LUZP2: variants seen among roughly 807,000 people sequenced by gnomAD.
LUZP2 encodes leucine zipper protein 2.
LUZP2 carries 52 observed loss-of-function variants against 51.6 expected under a neutral mutation model. That is an observed-to-expected ratio of 1.01 (90% CI 0.81 to 1.27). The LOEUF (loss-of-function observed/expected upper bound fraction) is 1.27, where lower values mean the gene tolerates loss of function less well. Ranked by LOEUF, LUZP2 falls within the 50% of genes most tolerant of loss-of-function variation. LUZP2 has a pLI of 0.00. For missense variants in LUZP2, 436 were observed against 395.4 expected (o/e 1.10, Z -0.87); for synonymous variants, 154 against 137.3 (o/e 1.12, Z -0.85).
chr11:25,009,419 A>G (rs1016853195), intron 9 of LUZP2, among the ~76,000 whole-genome samples: 4 of 152,192 alleles, frequency 2.6e-5, no homozygotes, highest in Admixed American at 1.3e-4. Context: ...ATATGCTCTG[A>G]AATATCTAAT....
chr11:24,869,641 T>C (rs1851999173), intron 5 of LUZP2, among the ~76,000 whole-genome samples: 1 of 152,028 alleles, frequency 6.6e-6, no homozygotes, highest in Admixed American at 6.6e-5. Context: ...CTGTGCTTAG[T>C]GAACTTTGAT....
At chr11:25,017,282 C>T (rs1439320495) in intron 9 of LUZP2, among the ~76,000 whole-genome samples, 1 of 152,090 alleles carries the variant, frequency 6.6e-6, no homozygotes, top group African/African-American at 2.4e-5. Flanking sequence ...TTACCTATAT[C>T]CCACTTATTT....
At chr11:24,926,324 TGTGTATATATATATAC>T (rs1854243780) in intron 7 of LUZP2, among the ~76,000 whole-genome samples, 1 of 115,290 alleles carries the variant, frequency 8.7e-6, no homozygotes, top group Non-Finnish European at 1.7e-5. Flanking sequence ...TATATACGTG[TGTGTATATATATATAC>T]GTGTGTATAT....
intron 5 of LUZP2, among the ~76,000 whole-genome samples, chr11:24,869,030 T>G (rs1851977478): frequency 6.6e-6 from 1 of 152,162 alleles, no homozygotes; most frequent in South Asian, 2.1e-4. Context: ...CAGGAGTTTT[T>G]GGAACTTACC....
chr11:24,814,638 T>C (rs1850118595), intron 5 of LUZP2, among the ~76,000 whole-genome samples: 1 of 152,174 alleles, frequency 6.6e-6, no homozygotes, highest in Admixed American at 6.5e-5. Flanking sequence ...AGTTACAGCT[T>C]AGTATGCTCA....
At chr11:25,045,172 C>T (rs954599348) in intron 9 of LUZP2, among the ~76,000 whole-genome samples, 72 of 151,482 alleles carry the variant, frequency 4.8e-4, no homozygotes, top group African/African-American at 1.5e-3. Context: ...CAAACCTGCA[C>T]GTTGTGCACA....
intron 1 of LUZP2, among the ~76,000 whole-genome samples, chr11:24,620,195 A>C (rs1219368606): frequency 6.6e-6 from 1 of 152,176 alleles, no homozygotes; most frequent in Non-Finnish European, 1.5e-5. Context: ...TAAGATGAGA[A>C]TTTCATTCCA....
At chr11:24,711,185 G>T (rs556171509) in intron 1 of LUZP2, among the ~76,000 whole-genome samples, 3 of 152,138 alleles carry the variant, frequency 2.0e-5, no homozygotes, top group Non-Finnish European at 4.4e-5. Flanking sequence ...CGCGGTGGCT[G>T]ATGCCTGTAA....
At chr11:24,833,461 G>C (rs1394828879) in intron 5 of LUZP2, among the ~76,000 whole-genome samples, 1 of 152,164 alleles carries the variant, frequency 6.6e-6, no homozygotes, top group Admixed American at 6.5e-5. Context: ...AACATTGTAA[G>C]AATTCCCCTC....
intron 5 of LUZP2, among the ~76,000 whole-genome samples, chr11:24,799,560 CAGCCTGGGTGACAGAGCAAGACTGTTTCA>C (rs1381989487): frequency 1.3e-5 from 2 of 149,538 alleles, no homozygotes; most frequent in Non-Finnish European, 3.0e-5. Context: ...CATTGCACTC[CAGCCTGGGTGACAGAGCAAGACTGTTTCA>C]AAAAAAAAAA....
At chr11:24,758,157 C>A (rs889498108) in intron 4 of LUZP2, among the ~76,000 whole-genome samples, 15 of 152,074 alleles carry the variant, frequency 9.9e-5, no homozygotes, top group African/African-American at 3.1e-4. Context: ...TCTGAATAAA[C>A]AAATCTAAGA....
chr11:25,044,976 A>T (rs1234345803), intron 9 of LUZP2, among the ~76,000 whole-genome samples: 8 of 145,076 alleles, frequency 5.5e-5, no homozygotes, highest in Admixed American at 4.4e-4. Flanking sequence ...ACCAAACACC[A>T]CATGTTCTCA....
intron 7 of LUZP2, among the ~76,000 whole-genome samples, chr11:24,963,983 C>G (rs899588436): frequency 2.0e-5 from 3 of 152,182 alleles, no homozygotes; most frequent in Admixed American, 6.5e-5. Flanking sequence ...ATGCAGATAT[C>G]TGTTTGACAT....
At chr11:24,508,658 G>A (rs191157806) in intron 1 of LUZP2, among the ~76,000 whole-genome samples, 2 of 151,970 alleles carry the variant, frequency 1.3e-5, no homozygotes, top group African/African-American at 4.8e-5. Context: ...TGTGATTCCA[G>A]GTAGCTGTCT....
At chr11:24,929,017 A>G (rs2133830737) in intron 7 of LUZP2, among the ~76,000 whole-genome samples, 1 of 152,132 alleles carries the variant, frequency 6.6e-6, no homozygotes, top group East Asian at 1.9e-4. Context: ...TTATGCATGT[A>G]AAGGTGTTCA....
chr11:24,622,571 A>G (rs1854536352), intron 1 of LUZP2, among the ~76,000 whole-genome samples: 1 of 152,130 alleles, frequency 6.6e-6, no homozygotes, highest in South Asian at 2.1e-4. Flanking sequence ...TCTTATCACA[A>G]TGATAATCTC....
intron 1 of LUZP2, among the ~76,000 whole-genome samples, chr11:24,514,677 C>G (rs910608796): frequency 6.7e-6 from 1 of 149,420 alleles, no homozygotes; most frequent in Non-Finnish European, 1.5e-5. Context: ...AGTTTTTTTT[C>G]TTTTGATATT....
intron 7 of LUZP2, among the ~76,000 whole-genome samples, chr11:24,921,526 G>A (rs1183448336): frequency 6.6e-6 from 1 of 152,170 alleles, no homozygotes; most frequent in East Asian, 1.9e-4. Context: ...TCTAATCGCC[G>A]GCATGTGCGT....
At chr11:25,023,153 G>C (rs1164262100) in intron 9 of LUZP2, among the ~76,000 whole-genome samples, 1 of 152,058 alleles carries the variant, frequency 6.6e-6, no homozygotes, top group Non-Finnish European at 1.5e-5. Flanking sequence ...TCAGAATGAT[G>C]CTGGCCTCAT....
Sources: allele counts gnomAD v4.1 joint callset (sites outside exome capture counted in the v4.1 genomes callset), GRCh38; gene constraint gnomAD v4.1.1; transcripts MANE v1.5; gene names NCBI Gene and HGNC (gene_info 2026-07-23, HGNC 2026-07-21).